Variants in PTPRD observed in about 807,000 individuals in gnomAD.
PTPRD encodes receptor-type tyrosine-protein phosphatase delta.
A neutral mutation model predicts 214.5 loss-of-function variants in PTPRD; 34 were observed. The observed-to-expected ratio is 0.16, with a 90% confidence interval of 0.12 to 0.21. PTPRD has a LOEUF of 0.21. Ranked by LOEUF, PTPRD falls within the 10% of genes least tolerant of loss-of-function variation. The pLI, the probability that PTPRD is intolerant of heterozygous loss-of-function variation, is 1.00. For missense variants in PTPRD, 2,545 were observed against 2,398.7 expected, an observed-to-expected ratio of 1.06 and a Z score of -1.27; for synonymous variants, 1,128 against 845.7, an observed-to-expected ratio of 1.33 and a Z score of -5.79.
At position 8,326,535 on chromosome 9, in the gene PTPRD, T is replaced by G. The variant is rs1051139265; in HGVS notation, c.5534+5047A>C. Reference sequence around the variant, plus strand: ...GGGATATTGGCCTGGAATTTTCTTTTTTGTTGTGTCTCTGCCAGGTTTTGG... The same window carrying G: ...GGGATATTGGCCTGGAATTTTCTTTGTTGTTGTGTCTCTGCCAGGTTTTGG... On this transcript the variant is annotated intron_variant, in intron 44 of 45. Transcript: ENST00000381196. Among the ~76,000 whole-genome samples, 31 of 151,666 alleles carry G rather than the reference T, an allele frequency of 2.0e-4. 1 individual carries two copies. The highest frequency in any genetic ancestry group is 5.8e-4 in the East Asian group (3 of 5,170).
At chr9:10,559,008 TG>T (rs1330003022) in intron 2 of PTPRD, among the ~76,000 whole-genome samples, 2 of 152,132 alleles carry the variant, frequency 1.3e-5, no homozygotes, top group Non-Finnish European at 2.9e-5. Flanking sequence ...TATATTTTGT[TG>T]GGGAGGTTTC....
intron 8 of PTPRD, among the ~76,000 whole-genome samples, chr9:9,526,271 T>C (rs2074098819): frequency 6.6e-6 from 1 of 152,150 alleles, no homozygotes; most frequent in Non-Finnish European, 1.5e-5. Context: ...TTTCAAACTA[T>C]TAATGGTGCT....
At chr9:9,675,197 G>A (rs1311216987) in intron 7 of PTPRD, among the ~76,000 whole-genome samples, 1 of 151,902 alleles carries the variant, frequency 6.6e-6, no homozygotes, top group African/African-American at 2.4e-5. Context: ...AGTATCTCAT[G>A]TGTCCTTAGA....
At chr9:10,498,316 G>A (rs2042703683) in intron 2 of PTPRD, among the ~76,000 whole-genome samples, 1 of 151,848 alleles carries the variant, frequency 6.6e-6, no homozygotes. Context: ...GGAGAGAAAA[G>A]GTTATCTTAA....
chr9:8,341,143 G>A lies in PTPRD; in HGVS notation c.5073C>T (p.Ile1691=), dbSNP rs768402205. ...TGTAATCAGATCCTTCTACTCCACG[G>A]ATAGGCTGCAGGCATACCCTTGTGG... is the stretch of plus-strand genomic sequence containing the variant. ...YESTRVCLQP[I]RGVEGSDYIN... Residue 1691 remains isoleucine (I), a synonymous_variant, in exon 41 of 46, where the codon ATC becomes ATT. Coordinates refer to ENST00000381196, the MANE Select transcript of PTPRD (RefSeq NM_002839.4). The A allele has an allele frequency of 3.7e-6, 6 of 1,612,826 alleles. No individual in the cohort carries two copies. The highest frequency in any genetic ancestry group is 1.7e-4 in the Middle Eastern group (1 of 6,052).
At chr9:9,325,902 AG>A (rs546617510) in intron 9 of PTPRD, among the ~76,000 whole-genome samples, 338 of 152,290 alleles carry the variant, frequency 2.2e-3, no homozygotes, top group Non-Finnish European at 4.1e-3. Flanking sequence ...TTTAGCATGA[AG>A]GGCTGTTGAA....
intron 8 of PTPRD, among the ~76,000 whole-genome samples, chr9:9,568,516 C>T (rs1475450150): frequency 6.6e-6 from 1 of 151,816 alleles, no homozygotes; most frequent in African/African-American, 2.4e-5. Context: ...ACTCTTATTT[C>T]CAGCTTTGCC....
chr9:9,635,399 C>T (rs1315903510), intron 7 of PTPRD, among the ~76,000 whole-genome samples: 2 of 152,114 alleles, frequency 1.3e-5, no homozygotes, highest in South Asian at 2.1e-4. Flanking sequence ...AAGTGGCTCC[C>T]GAACTTTATT....
Position 10,141,302 on chromosome 9 carries a change from A to C in PTPRD, c.-544-107512T>G, listed in dbSNP as rs529406054. On this transcript the variant is annotated intron_variant, in intron 3 of 45. Coordinates refer to ENST00000381196, the MANE Select transcript of PTPRD (RefSeq NM_002839.4). ...AGGGCATTCAATTAGGAAAAGAGGA[A>C]GTCAAATTGTCCCTTTTTGCAGACG... Among the ~76,000 whole-genome samples the C allele has an allele frequency of 4.3e-3, 647 of 152,218 alleles. 3 individuals are homozygous for C. The highest frequency in any genetic ancestry group is 0.015 in the African/African-American group (614 of 41,516).
At chr9:10,355,953 G>C (rs1482439446) in intron 2 of PTPRD, among the ~76,000 whole-genome samples, 1 of 152,090 alleles carries the variant, frequency 6.6e-6, no homozygotes, top group Non-Finnish European at 1.5e-5. Flanking sequence ...AGTCGTATTA[G>C]AGAGTACACT....
At chr9:8,331,802 G>C (rs1353708303) in intron 43 of PTPRD, 66 bp from the exon 44 acceptor site, 7 of 1,485,484 alleles carry the variant, frequency 4.7e-6, no homozygotes, top group Non-Finnish European at 6.3e-6. Context: ...CAAGCATACG[G>C]ACCACAAGAA....
At chr9:8,656,490 T>A (rs1165457190) in intron 12 of PTPRD, among the ~76,000 whole-genome samples, 1 of 152,114 alleles carries the variant, frequency 6.6e-6, no homozygotes, top group Non-Finnish European at 1.5e-5. Flanking sequence ...ACCTTGACCT[T>A]AGGAAGCTTC....
intron 8 of PTPRD, among the ~76,000 whole-genome samples, chr9:9,397,879 C>T (rs1404499936): frequency 6.6e-6 from 1 of 151,948 alleles, no homozygotes; most frequent in East Asian, 1.9e-4. Context: ...GCCATATACA[C>T]CACCTTCCTG....
intron 11 of PTPRD, among the ~76,000 whole-genome samples, chr9:8,802,018 T>C (rs1339310521): frequency 6.6e-6 from 1 of 152,156 alleles, no homozygotes; most frequent in Non-Finnish European, 1.5e-5. Flanking sequence ...AATCCTAAAA[T>C]ATTATTTATT....
In PTPRD at chr9:9,665,195, G is replaced by A. The variant is rs189514953; in HGVS notation, c.-287+69338C>T. ...AGAAAATAGTCTTCTGACTCAGAACGGCAAAGAGCCAACTTTCTTGTAACG... is the reference window on the plus strand; with the variant it reads ...AGAAAATAGTCTTCTGACTCAGAACAGCAAAGAGCCAACTTTCTTGTAACG... On this transcript the variant is annotated intron_variant, in intron 7 of 45. Coordinates refer to ENST00000381196, the MANE Select transcript of PTPRD (RefSeq NM_002839.4). Among the ~76,000 whole-genome samples, 5 of 151,628 alleles carry A rather than the reference G, an allele frequency of 3.3e-5. No individual in the cohort carries two copies. The East Asian group carries it at 7.7e-4, about 23-fold the overall frequency.
intron 13 of PTPRD, among the ~76,000 whole-genome samples, chr9:8,635,364 A>G (rs1473644494): frequency 6.6e-6 from 1 of 151,830 alleles, no homozygotes. Context: ...AATGTGCAGC[A>G]AAGATGCATA....
intron 5 of PTPRD, among the ~76,000 whole-genome samples, chr9:9,846,192 C>G (rs146687714): frequency 6.6e-6 from 1 of 152,100 alleles, no homozygotes; most frequent in Non-Finnish European, 1.5e-5. Context: ...TTGTATTGTT[C>G]TTACCCAAAT....
intron 34 of PTPRD, among the ~76,000 whole-genome samples, chr9:8,444,454 G>A (rs536938478): frequency 6.3e-4 from 95 of 151,974 alleles, no homozygotes; most frequent in African/African-American, 2.3e-3. Flanking sequence ...AGGTATATAT[G>A]AAACTCTATA....
rs181365981 is a variant in PTPRD at position 10,420,627 on chromosome 9, T to G, written c.-599-79610A>C. On this transcript the variant is annotated intron_variant, in intron 2 of 45. Coordinates refer to ENST00000381196, the MANE Select transcript of PTPRD (RefSeq NM_002839.4). ...CTTCTCCAAGAAGTGGGCATACTCC[T>G]TGGTTATTTTCTTATACCGAATTCT... Among the ~76,000 whole-genome samples, 38 of 152,016 alleles carry G rather than the reference T, an allele frequency of 2.5e-4. 1 individual carries two copies. In the East Asian group the frequency reaches 7.2e-3, roughly 29 times the overall value.
Sources: gnomAD v4.1 joint callset for allele counts (sites outside exome capture counted in the v4.1 genomes callset) on GRCh38, gnomAD v4.1.1 for gene constraint, MANE v1.5 for transcripts, NCBI Gene and HGNC (gene_info 2026-07-23, HGNC 2026-07-21) for gene names.